PPHLN1: variants seen among roughly 807,000 people sequenced by gnomAD.
The protein encoded by PPHLN1 is periphilin-1.
A neutral mutation model predicts 51.3 loss-of-function variants in PPHLN1; 29 were observed. The ratio of observed to expected loss-of-function variants is 0.57; its 90% confidence interval spans 0.42 to 0.77. The LOEUF (loss-of-function observed/expected upper bound fraction) is 0.77. Among genes scored for constraint, PPHLN1 ranks in the 30% least tolerant of loss-of-function variants. The pLI is 0.00. For missense variants in PPHLN1, 436 were observed against 438.4 expected (o/e 0.99, Z 0.05); for synonymous variants, 147 against 147.8 (o/e 0.99, Z 0.04).
At position 42,401,663 on chromosome 12, in the gene PPHLN1, G is replaced by A. The variant is rs547537158; in HGVS notation, c.909+2669G>A. 1.1e-4 allele frequency among the ~76,000 whole-genome samples: 16 copies of A among 152,136 alleles called. No homozygotes were observed. In the East Asian group the frequency reaches 1.5e-3, roughly 15 times the overall value. ...GGTTGTGTGCCCTCTCACTCCTTCC[G>A]TGGAAAAAATTGTCTTCCTCAAAAC... On this transcript the variant is annotated intron_variant, in intron 9 of 9. Coordinates refer to ENST00000358314, the MANE Select transcript of PPHLN1 (RefSeq NM_201439.2).
chr12:42,380,007 T>C (rs1197553965), intron 5 of PPHLN1, among the ~76,000 whole-genome samples: 1 of 152,100 alleles, frequency 6.6e-6, no homozygotes, highest in Non-Finnish European at 1.5e-5. Context: ...TATTATCTTA[T>C]TTTCATATCC....
At chr12:42,445,994 G>A (rs1009133286), downstream of PPHLN1, 8 of 1,519,466 alleles carry the variant, frequency 5.3e-6, no homozygotes, top group Admixed American at 4.5e-5. Flanking sequence ...ATTCCAGCAC[G>A]ACGCATCAAA....
intron 8 of PPHLN1, among the ~76,000 whole-genome samples, chr12:42,395,497 T>C (rs1331673362): frequency 1.3e-5 from 2 of 152,200 alleles, no homozygotes; most frequent in African/African-American, 2.4e-5. Context: ...TTTTCTCTTA[T>C]TAATACTTTA....
chr12:42,359,704 C>G (rs1176121814), intron 4 of PPHLN1: 1 of 152,164 alleles, frequency 6.6e-6, no homozygotes, highest in Non-Finnish European at 1.5e-5. Flanking sequence ...AGAATTGTTA[C>G]ATCTATTGGT....
intron 1 of PPHLN1, among the ~76,000 whole-genome samples, chr12:42,326,765 C>T (rs2068843317): frequency 6.6e-6 from 1 of 152,168 alleles, no homozygotes; most frequent in Non-Finnish European, 1.5e-5. Context: ...TGCTTTTTCT[C>T]TAAGAGGCCA....
chr12:42,434,672 A>G (rs764781819), intron 9 of PPHLN1, among the ~76,000 whole-genome samples: 7 of 151,996 alleles, frequency 4.6e-5, no homozygotes, highest in African/African-American at 7.2e-5. Context: ...GAGGAAATAA[A>G]TTACTGTTTC....
At chr12:42,377,209 C>T (rs1053178868) in intron 5 of PPHLN1, among the ~76,000 whole-genome samples, 4 of 151,780 alleles carry the variant, frequency 2.6e-5, no homozygotes, top group Non-Finnish European at 5.9e-5. Flanking sequence ...AAAGATTGGA[C>T]ACCCCTACTC....
intron 9 of PPHLN1, among the ~76,000 whole-genome samples, chr12:42,402,848 G>C (rs545505696): frequency 1.2e-4 from 19 of 152,170 alleles, no homozygotes; most frequent in Non-Finnish European, 2.4e-4. Flanking sequence ...AAGTGTTGTA[G>C]CTGTGGCCAT....
chr12:42,328,700 T>A (rs959590235), intron 1 of PPHLN1, among the ~76,000 whole-genome samples: 6 of 152,190 alleles, frequency 3.9e-5, no homozygotes, highest in African/African-American at 1.4e-4. Flanking sequence ...TAGTAGAGAA[T>A]GCAGTACTTT....
At chr12:42,399,072 T>C in intron 9 of PPHLN1, 78 bp downstream of exon 9, 1 of 1,532,012 alleles carries the variant, frequency 6.5e-7, no homozygotes, top group Non-Finnish European at 8.8e-7. Flanking sequence ...TGAATAAATA[T>C]GCTTCATTTC....
chr12:42,373,382 C>T (rs1196684155), intron 4 of PPHLN1, among the ~76,000 whole-genome samples: 1 of 152,180 alleles, frequency 6.6e-6, no homozygotes, highest in Non-Finnish European at 1.5e-5. Context: ...CTATTTTCTG[C>T]TTTTTCCCAG....
At chr12:42,346,198 C>T (rs919860829) in intron 2 of PPHLN1, among the ~76,000 whole-genome samples, 1 of 152,104 alleles carries the variant, frequency 6.6e-6, no homozygotes, top group Non-Finnish European at 1.5e-5. Context: ...ATCTTACTTA[C>T]CTATTTTGTA....
intron 4 of PPHLN1, among the ~76,000 whole-genome samples, chr12:42,363,325 TTAA>T (rs528057414): frequency 8.0e-6 from 1 of 124,612 alleles, no homozygotes; most frequent in African/African-American, 2.5e-5. Context: ...AATTAATTAA[TTAA>T]TTTAAAAAAA....
At chr12:42,395,235 TA>T (rs1052071166) in intron 8 of PPHLN1, among the ~76,000 whole-genome samples, 2 of 151,890 alleles carry the variant, frequency 1.3e-5, no homozygotes, top group African/African-American at 4.8e-5. Flanking sequence ...TAAATAACCC[TA>T]AAAAAAATCT....
At chr12:42,427,011 G>A (rs560272356) in intron 9 of PPHLN1, among the ~76,000 whole-genome samples, 36 of 151,700 alleles carry the variant, frequency 2.4e-4, no homozygotes, top group African/African-American at 5.8e-4. Flanking sequence ...ATCTCGCGCC[G>A]TGCAGGTTTC....
intron 9 of PPHLN1, among the ~76,000 whole-genome samples, chr12:42,423,383 A>T (rs1328268532): frequency 6.6e-6 from 1 of 152,162 alleles, no homozygotes; most frequent in African/African-American, 2.4e-5. Flanking sequence ...CTGATACCAC[A>T]GTTCCTATTT....
intron 1 of PPHLN1, among the ~76,000 whole-genome samples, chr12:42,332,928 A>G (rs1392971177): frequency 6.6e-6 from 1 of 152,146 alleles, no homozygotes; most frequent in Non-Finnish European, 1.5e-5. Flanking sequence ...TGCTTATTGA[A>G]TGATTTTCAG....
At position 42,430,541 on chromosome 12, in the gene PPHLN1, G is replaced by A. The variant is rs772565556; in HGVS notation, c.910-10774G>A. The stretch of plus-strand genomic sequence containing the variant: ...TTTGAGACGGAGTACCCAGGCTGGC[G>A]TGTAGAGTGCTATGGTGTGATCTTG... On this transcript the variant is annotated intron_variant, in intron 9 of 9. Coordinates refer to ENST00000358314, the MANE Select transcript of PPHLN1 (RefSeq NM_201439.2). 2.0e-5 allele frequency among the ~76,000 whole-genome samples: 3 copies of A among 151,964 alleles called. No homozygotes were observed. The East Asian group carries it at 5.8e-4, about 29-fold the overall frequency.
At chr12:42,405,553 T>C (rs1171198090) in intron 9 of PPHLN1, among the ~76,000 whole-genome samples, 2 of 152,174 alleles carry the variant, frequency 1.3e-5, no homozygotes, top group Admixed American at 1.3e-4. Context: ...GTTGTTTTTC[T>C]TTCCTTACTC....
Sources: gnomAD v4.1 joint callset for allele counts (sites outside exome capture counted in the v4.1 genomes callset) on GRCh38, gnomAD v4.1.1 for gene constraint, MANE v1.5 for transcripts, NCBI Gene and HGNC (gene_info 2026-07-23, HGNC 2026-07-21) for gene names.